The following DAB1 variants were observed in gnomAD, a reference collection of about 807,000 sequenced individuals.
DAB1 encodes the protein DAB adaptor protein 1.
In DAB1, 15 loss-of-function variants were observed where a neutral mutation model predicts 64.6. The ratio of observed to expected loss-of-function variants is 0.23; its 90% CI spans 0.16 to 0.36. The LOEUF is 0.36. DAB1 is among the 10% of genes least tolerant of loss of function. The probability of loss-of-function intolerance (pLI) is 1.00; values close to 1 mark genes in which losing one functional copy is unlikely to be tolerated. For synonymous variants in DAB1, 235 were observed against 251.9 expected (o/e 0.93, Z 0.64); for missense variants, 596 against 706.7 (o/e 0.84, Z 1.78).
chr1:58,022,692 T>C lies in DAB1; in HGVS notation n.387+127819A>G, dbSNP rs78237721. The stretch of plus-strand genomic sequence containing the variant: ...ACAGTAAAAGCAAAATCCTTATCCT[T>C]TGTATGTTTTCATATTTATGAGTAT... On this transcript the variant is annotated intron_variant and non_coding_transcript_variant, in intron 5 of 20. Transcript: ENST00000485760. 8.8e-3 allele frequency among the ~76,000 whole-genome samples: 1,337 copies of C among 152,266 alleles called. 33 individuals carry two copies. In the East Asian group the frequency reaches 0.098, roughly 11 times the overall value.
chr1:57,811,348 T>A (rs918491602), intron 6 of DAB1, among the ~76,000 whole-genome samples: 3 of 152,188 alleles, frequency 2.0e-5, no homozygotes, highest in African/African-American at 7.2e-5. Flanking sequence ...GTTCTTGTGA[T>A]AGTGAGTTCT....
At chr1:58,217,554 G>A (rs958355410) in intron 4 of DAB1, among the ~76,000 whole-genome samples, 1 of 152,168 alleles carries the variant, frequency 6.6e-6, no homozygotes, top group African/African-American at 2.4e-5. Flanking sequence ...TCCTCGCCTT[G>A]TCAAGTAATT....
At chr1:58,244,199 G>C (rs113843016) in intron 4 of DAB1, among the ~76,000 whole-genome samples, 8 of 152,242 alleles carry the variant, frequency 5.3e-5, no homozygotes, top group African/African-American at 1.7e-4. Flanking sequence ...TATGAAAAGT[G>C]CCCATAAGTA....
At chr1:58,345,664 C>T (rs1053260638) in intron 3 of DAB1, among the ~76,000 whole-genome samples, 6 of 152,094 alleles carry the variant, frequency 3.9e-5, no homozygotes, top group South Asian at 4.2e-4. Context: ...AGCCCCTTCC[C>T]CCACCTTCTC....
chr1:58,004,995 A>G (rs1224383562), intron 5 of DAB1, among the ~76,000 whole-genome samples: 2 of 152,204 alleles, frequency 1.3e-5, no homozygotes, highest in African/African-American at 2.4e-5. Context: ...GCCTTTTGCT[A>G]CAAGGAATTG....
intron 6 of DAB1, among the ~76,000 whole-genome samples, chr1:57,790,638 G>C (rs946622371): frequency 6.6e-6 from 1 of 152,124 alleles, no homozygotes; most frequent in Non-Finnish European, 1.5e-5. Context: ...GGAGGGGCAG[G>C]TATGACATCT....
At chr1:58,171,099 C>T (rs1656149260) in intron 4 of DAB1, among the ~76,000 whole-genome samples, 3 of 152,262 alleles carry the variant, frequency 2.0e-5, no homozygotes, top group African/African-American at 7.2e-5. Context: ...CCTGAAAGTC[C>T]CACACCCTTA....
chr1:57,209,918 T>C (rs1665870496), intron 2 of DAB1, among the ~76,000 whole-genome samples: 1 of 152,234 alleles, frequency 6.6e-6, no homozygotes, highest in Non-Finnish European at 1.5e-5. Flanking sequence ...AAGGTATTTA[T>C]ATGATTACAG....
chr1:57,341,305 C>T (rs1233001058), intron 1 of DAB1, among the ~76,000 whole-genome samples: 1 of 152,302 alleles, frequency 6.6e-6, no homozygotes, highest in East Asian at 1.9e-4. Context: ...CAGGTTCATT[C>T]TCTATCACAC....
intron 5 of DAB1, among the ~76,000 whole-genome samples, chr1:58,058,852 T>A (rs1648312631): frequency 6.6e-6 from 1 of 152,202 alleles, no homozygotes; most frequent in African/African-American, 2.4e-5. Flanking sequence ...ATCTTGCATA[T>A]TAAATATGTA....
upstream of DAB1, among the ~76,000 whole-genome samples, chr1:57,887,927 T>G (rs566194851): frequency 2.0e-5 from 3 of 152,336 alleles, no homozygotes; most frequent in South Asian, 6.2e-4. Context: ...TCAGGAAACT[T>G]CATTTTCTGA....
intron 5 of DAB1, among the ~76,000 whole-genome samples, chr1:58,096,514 G>A (rs1650991557): frequency 6.6e-6 from 1 of 152,210 alleles, no homozygotes; most frequent in South Asian, 2.1e-4. Context: ...GTCTGTTAAT[G>A]AGGTCATTAG....
chr1:57,185,955 G>A (rs529261163), intron 2 of DAB1, among the ~76,000 whole-genome samples: 1 of 152,074 alleles, frequency 6.6e-6, no homozygotes, highest in Non-Finnish European at 1.5e-5. Context: ...CTCCTGTGGA[G>A]TTGGGACTCA....
intron 5 of DAB1, among the ~76,000 whole-genome samples, chr1:58,119,998 G>C (rs1652638253): frequency 6.6e-6 from 1 of 152,098 alleles, no homozygotes; most frequent in South Asian, 2.1e-4. Context: ...TGGAAAAGTG[G>C]ATATGCCTTC....
intron 7 of DAB1, among the ~76,000 whole-genome samples, chr1:57,522,620 G>C (rs1644542093): frequency 6.6e-6 from 1 of 152,200 alleles, no homozygotes; most frequent in Non-Finnish European, 1.5e-5. Flanking sequence ...AAGTTGATAA[G>C]GGGTGGACTT....
At chr1:58,170,461 C>A (rs138413444) in intron 4 of DAB1, among the ~76,000 whole-genome samples, 4 of 152,052 alleles carry the variant, frequency 2.6e-5, no homozygotes, top group African/African-American at 9.7e-5. Context: ...GCTCCAAAGG[C>A]GAGCCCTGGG....
intron 4 of DAB1, among the ~76,000 whole-genome samples, chr1:57,120,928 G>A (rs889964657): frequency 1.3e-5 from 2 of 152,042 alleles, no homozygotes; most frequent in Non-Finnish European, 2.9e-5. Flanking sequence ...GCTGGTGTGT[G>A]GAAGGACAAA....
intron 7 of DAB1, among the ~76,000 whole-genome samples, chr1:57,643,911 A>T (rs756703778): frequency 1.3e-5 from 2 of 152,178 alleles, no homozygotes; most frequent in African/African-American, 4.8e-5. Context: ...GTCAGCAATT[A>T]GTGTGTCCAT....
At chr1:58,106,390 C>T (rs1651643371) in intron 5 of DAB1, among the ~76,000 whole-genome samples, 1 of 152,124 alleles carries the variant, frequency 6.6e-6, no homozygotes, top group Non-Finnish European at 1.5e-5. Flanking sequence ...CATTATGTTG[C>T]CCAGGCTGGT....
Sources: gnomAD v4.1 joint callset for allele counts (sites outside exome capture counted in the v4.1 genomes callset) on GRCh38, gnomAD v4.1.1 for gene constraint, MANE v1.5 for transcripts, NCBI Gene and HGNC (gene_info 2026-07-23, HGNC 2026-07-21) for gene names.